FTO: variants seen among roughly 807,000 people sequenced by gnomAD.
FTO encodes the protein alpha-ketoglutarate-dependent dioxygenase FTO.
FTO carries 47 observed loss-of-function variants against 63.9 expected under a neutral mutation model. That is an observed-to-expected ratio of 0.74 (90% confidence interval 0.58 to 0.94). The LOEUF (loss-of-function observed/expected upper bound fraction) is 0.94, where lower values mean the gene tolerates loss of function less well. Among genes scored for constraint, FTO ranks in the 40% least tolerant of loss-of-function variants. The probability of loss-of-function intolerance (pLI) is 0.00; values close to 1 mark genes in which losing one functional copy is unlikely to be tolerated. For missense variants in FTO, 562 were observed against 618.1 expected, an observed-to-expected ratio of 0.91 and a Z score of 0.96; for synonymous variants, 207 against 224.4, an observed-to-expected ratio of 0.92 and a Z score of 0.69.
At chr16:53,945,703 A>G (rs568374157) in intron 8 of FTO, among the ~76,000 whole-genome samples, 1 of 152,132 alleles carries the variant, frequency 6.6e-6, no homozygotes, top group South Asian at 2.1e-4. Context: ...ATGCTCTGTC[A>G]TTTCTTTTAT....
chr16:54,093,469 G>A (rs779853909), intron 8 of FTO, among the ~76,000 whole-genome samples: 2 of 152,194 alleles, frequency 1.3e-5, no homozygotes, highest in African/African-American at 4.8e-5. Context: ...GGGGCAGGAG[G>A]TCACAGCAGC....
intron 8 of FTO, among the ~76,000 whole-genome samples, chr16:54,080,495 G>A (rs988593596): frequency 2.0e-5 from 3 of 152,116 alleles, no homozygotes; most frequent in South Asian, 2.1e-4. Context: ...ATTTTCCCAC[G>A]TTCAGTTGTA....
chr16:54,099,502 C>G (rs1477590158), intron 8 of FTO, among the ~76,000 whole-genome samples: 1 of 152,138 alleles, frequency 6.6e-6, no homozygotes, highest in South Asian at 2.1e-4. Context: ...TCGTCCAGCT[C>G]ATTTGACCTT....
intron 1 of FTO, among the ~76,000 whole-genome samples, chr16:53,752,676 C>A (rs1044253426): frequency 2.0e-5 from 3 of 152,186 alleles, no homozygotes; most frequent in African/African-American, 7.2e-5. Context: ...CACCCTCCAA[C>A]CACTAATGAT....
At chr16:53,950,160 A>AAAAAAAAAAAAAACAAAAAAAAAAACAAC (rs1567466149) in intron 8 of FTO, among the ~76,000 whole-genome samples, 1 of 115,620 alleles carries the variant, frequency 8.6e-6, no homozygotes, top group Admixed American at 8.3e-5. Context: ...ATTTGTAAAA[A>AAAAAAAAAAAAAACAAAAAAAAAAACAAC]AAAAAAAAAA....
intron 8 of FTO, among the ~76,000 whole-genome samples, chr16:53,960,894 G>C (rs2083063130): frequency 6.6e-6 from 1 of 152,066 alleles, no homozygotes; most frequent in African/African-American, 2.4e-5. Context: ...TGGGTGGCAT[G>C]GTTTCTAAAG....
rs539350769 is a variant in FTO, at chr16:53,749,055, C to T, written c.45+44826C>T. 2.6e-5 allele frequency among the ~76,000 whole-genome samples: 4 copies of T among 152,276 alleles called. No individual in the cohort carries two copies. The East Asian group carries it at 5.8e-4, about 22-fold the overall frequency. On this transcript the variant is annotated intron_variant, in intron 1 of 8. Transcript: ENST00000471389. The stretch of plus-strand genomic sequence containing the variant: ...TGCTGGGATTACAGGCATGAGCCAC[C>T]GTGCCCAGCCTTGTAGCTATTTTAA...
intron 1 of FTO, among the ~76,000 whole-genome samples, chr16:53,789,350 G>A (rs1188502080): frequency 1.3e-5 from 2 of 152,180 alleles, no homozygotes; most frequent in East Asian, 3.9e-4. Flanking sequence ...TCATGGAGCT[G>A]TAAGTCTCTT....
At chr16:53,753,843 T>C (rs1435471673) in intron 1 of FTO, among the ~76,000 whole-genome samples, 2 of 152,204 alleles carry the variant, frequency 1.3e-5, no homozygotes, top group Non-Finnish European at 2.9e-5. Context: ...AAGCTAGGAT[T>C]TCCACGCTTT....
At chr16:53,813,368 T>C (rs943293051) in intron 2 of FTO, among the ~76,000 whole-genome samples, 1 of 151,956 alleles carries the variant, frequency 6.6e-6, no homozygotes, top group Non-Finnish European at 1.5e-5. Flanking sequence ...CCTGCCACCA[T>C]GCCTGCCTAA....
chr16:53,885,593 T>C (rs2080976695), intron 6 of FTO, among the ~76,000 whole-genome samples: 1 of 152,214 alleles, frequency 6.6e-6, no homozygotes, highest in Non-Finnish European at 1.5e-5. Flanking sequence ...GTGAGATGCT[T>C]GAGGACAGGA....
chr16:53,951,794 A>G (rs915867961), intron 8 of FTO, among the ~76,000 whole-genome samples: 1 of 152,046 alleles, frequency 6.6e-6, no homozygotes, highest in African/African-American at 2.4e-5. Context: ...ATTATTGAGG[A>G]CAAGACTCAA....
intron 8 of FTO, among the ~76,000 whole-genome samples, chr16:54,098,668 TA>T (rs2086567159): frequency 6.6e-6 from 1 of 152,220 alleles, no homozygotes; most frequent in Admixed American, 6.5e-5. Flanking sequence ...AAATCCTTTG[TA>T]GAAAAACAGG....
intron 8 of FTO, among the ~76,000 whole-genome samples, chr16:54,015,461 C>T (rs1430068977): frequency 6.6e-6 from 1 of 152,126 alleles, no homozygotes; most frequent in African/African-American, 2.4e-5. Context: ...CAAAAGTGAA[C>T]TCCTTATAGT....
intron 7 of FTO, among the ~76,000 whole-genome samples, chr16:53,909,416 G>C (rs1341590124): frequency 1.3e-5 from 2 of 150,950 alleles, no homozygotes; most frequent in African/African-American, 2.4e-5. Context: ...GTCAGATTCA[G>C]AAAACTGGGC....
chr16:53,932,908 A>G (rs2082315115), intron 7 of FTO, among the ~76,000 whole-genome samples: 1 of 152,158 alleles, frequency 6.6e-6, no homozygotes, highest in Non-Finnish European at 1.5e-5. Flanking sequence ...GAAAAGAATC[A>G]ATTTGGTCTG....
chr16:53,948,914 C>T (rs1212594715), intron 8 of FTO, among the ~76,000 whole-genome samples: 1 of 152,166 alleles, frequency 6.6e-6, no homozygotes, highest in Non-Finnish European at 1.5e-5. Context: ...GACCTTGTGA[C>T]CTTGTAACAT....
chr16:54,079,252 G>C (rs1001143205), intron 8 of FTO, among the ~76,000 whole-genome samples: 2 of 152,146 alleles, frequency 1.3e-5, no homozygotes, highest in South Asian at 2.1e-4. Context: ...TTCAGTGCCT[G>C]CTGACATAAT....
intron 8 of FTO, among the ~76,000 whole-genome samples, chr16:54,006,233 C>T (rs979128403): frequency 3.9e-5 from 6 of 152,192 alleles, no homozygotes; most frequent in African/African-American, 1.2e-4. Context: ...CCCTTCTCCC[C>T]TTATTTCAAC....
Sources: allele counts gnomAD v4.1 joint callset (sites outside exome capture counted in the v4.1 genomes callset), GRCh38; gene constraint gnomAD v4.1.1; transcripts MANE v1.5; gene names NCBI Gene and HGNC (gene_info 2026-07-23, HGNC 2026-07-21).